Variants in PHACTR1 observed in about 807,000 individuals in gnomAD.
PHACTR1 encodes phosphatase and actin regulator 1.
PHACTR1 carries 16 observed loss-of-function variants against 69.2 expected under a neutral mutation model. That is an observed-to-expected ratio of 0.23 (90% CI 0.16 to 0.35). The LOEUF is 0.35. Among genes scored for constraint, PHACTR1 ranks in the 10% least tolerant of loss-of-function variants. The pLI, the probability that PHACTR1 is intolerant of heterozygous loss-of-function variation, is 1.00. For synonymous variants in PHACTR1, 312 were observed against 284.5 expected (o/e 1.10, Z -0.97); for missense variants, 510 against 734.7 (o/e 0.69, Z 3.54).
At chr6:12,849,312 C>T (rs1302809846) in intron 4 of PHACTR1, among the ~76,000 whole-genome samples, 1 of 152,178 alleles carries the variant, frequency 6.6e-6, no homozygotes, top group Non-Finnish European at 1.5e-5. Flanking sequence ...GGTCCCACGT[C>T]GGTGATTCGG....
chr6:12,926,618 T>C (rs1788292385), intron 4 of PHACTR1, among the ~76,000 whole-genome samples: 1 of 152,258 alleles, frequency 6.6e-6, no homozygotes, highest in Non-Finnish European at 1.5e-5. Context: ...CATAGAAAGC[T>C]GCCCATCAAG....
chr6:13,086,556 C>T (rs1404700834), intron 5 of PHACTR1, among the ~76,000 whole-genome samples: 2 of 152,206 alleles, frequency 1.3e-5, no homozygotes, highest in South Asian at 4.1e-4. Flanking sequence ...TGATTTTGTG[C>T]TTTCCAGAAT....
intron 8 of PHACTR1, among the ~76,000 whole-genome samples, chr6:13,208,618 G>A (rs1042027953): frequency 2.0e-5 from 3 of 149,688 alleles, no homozygotes; most frequent in Non-Finnish European, 3.0e-5. Flanking sequence ...AGCAGCCAAC[G>A]TCATTGCTGC....
intron 5 of PHACTR1, among the ~76,000 whole-genome samples, chr6:13,078,059 G>GTGTA (rs1332937895): frequency 2.6e-5 from 4 of 152,164 alleles, no homozygotes; most frequent in Non-Finnish European, 5.9e-5. Context: ...TCTACTGGGA[G>GTGTA]TGTAGGACGC....
intron 4 of PHACTR1, among the ~76,000 whole-genome samples, chr6:12,751,792 T>G (rs1308105626): frequency 6.6e-6 from 1 of 152,144 alleles, no homozygotes; most frequent in African/African-American, 2.4e-5. Flanking sequence ...ATTCCTAATG[T>G]AAAGTGTCAA....
rs749001422 is a variant in PHACTR1 at position 13,133,228 on chromosome 6, CCCCTCTCCCTCTCCCTTTCCCTCT to C, written c.416-26966_416-26943del. Among the ~76,000 whole-genome samples the C allele has an allele frequency of 8.3e-3, 229 of 27,452 alleles. 2 individuals are homozygous for C. The highest frequency in any genetic ancestry group is 0.014 in the Non-Finnish European group (195 of 14,424). 18.0% of individuals were successfully genotyped at this position (27,452 alleles called of 152,430 possible). ...CCCCCTCCCCCTCCCCCTCCCCCTC[CCCCTCTCCCTCTCCCTTTCCCTCT>C]CCCTCTCCCCACAGTCTCCCTCTCC... On this transcript the variant is annotated intron_variant, in intron 5 of 14. Coordinates refer to ENST00000332995, the MANE Select transcript of PHACTR1 (RefSeq NM_030948.6).
At chr6:12,727,479 A>C (rs932424802) in intron 3 of PHACTR1, among the ~76,000 whole-genome samples, 1 of 152,192 alleles carries the variant, frequency 6.6e-6, no homozygotes, top group Non-Finnish European at 1.5e-5. Flanking sequence ...TCCAGGACTC[A>C]TACATAAAGT....
chr6:13,048,522 TTGTGTG>T (rs70989824), intron 4 of PHACTR1, among the ~76,000 whole-genome samples: 14 of 142,984 alleles, frequency 9.8e-5, no homozygotes, highest in South Asian at 7.1e-4. Context: ...TTCCATTTCT[TTGTGTG>T]TGTGTGTGTG....
At chr6:12,799,791 T>C (rs954846283) in intron 4 of PHACTR1, among the ~76,000 whole-genome samples, 11 of 152,218 alleles carry the variant, frequency 7.2e-5, no homozygotes, top group African/African-American at 2.4e-4. Context: ...TGGATTCTTA[T>C]AGAATTTTTT....
At chr6:12,836,926 G>T (rs1033506948) in intron 4 of PHACTR1, among the ~76,000 whole-genome samples, 4 of 152,082 alleles carry the variant, frequency 2.6e-5, no homozygotes, top group Non-Finnish European at 5.9e-5. Context: ...TCTGATGATT[G>T]CATCCCTCTT....
chr6:13,021,532 A>G (rs370151393), intron 4 of PHACTR1, among the ~76,000 whole-genome samples: 1 of 152,196 alleles, frequency 6.6e-6, no homozygotes, highest in Admixed American at 6.5e-5. Context: ...TCTCTTATGT[A>G]TGTACCTGGG....
chr6:13,244,568 A>C (rs376210231), intron 10 of PHACTR1, among the ~76,000 whole-genome samples: 12 of 152,238 alleles, frequency 7.9e-5, no homozygotes, highest in African/African-American at 2.7e-4. Flanking sequence ...CTAGCTGCAC[A>C]TTCTCTTTCT....
chr6:12,988,639 GA>G (rs1408992346), intron 4 of PHACTR1, among the ~76,000 whole-genome samples: 2 of 151,884 alleles, frequency 1.3e-5, no homozygotes, highest in Non-Finnish European at 2.9e-5. Context: ...CCTCTTTTCA[GA>G]TAAGAAACCT....
At chr6:13,091,072 C>T (rs1359101026) in intron 5 of PHACTR1, among the ~76,000 whole-genome samples, 9 of 151,964 alleles carry the variant, frequency 5.9e-5, no homozygotes, top group East Asian at 5.8e-4. Context: ...AGTGCAATGG[C>T]GCATCTCGGC....
intron 4 of PHACTR1, among the ~76,000 whole-genome samples, chr6:12,827,854 G>A (rs1776973583): frequency 6.6e-6 from 1 of 151,468 alleles, no homozygotes; most frequent in Admixed American, 6.6e-5. Context: ...AACAAGAAGA[G>A]CTTTCTTTTC....
Position 13,217,593 on chromosome 6 carries a change from ATTAAT to A in PHACTR1, c.987-10218_987-10214del. Among the ~76,000 whole-genome samples the A allele has an allele frequency of 2.6e-5, 4 of 152,268 alleles. No individual in the cohort carries two copies. The East Asian group carries it at 7.7e-4, about 29-fold the overall frequency. The stretch of plus-strand genomic sequence containing the variant: ...CTGAAAGGACAGAGGCTGTGAACAA[ATTAAT>A]TTAAATCCATTACCACTGCTGAAAA... On this transcript the variant is annotated intron_variant, in intron 8 of 14. Transcript: ENST00000332995.
At chr6:12,937,441 T>C (rs976931249) in intron 4 of PHACTR1, among the ~76,000 whole-genome samples, 31 of 152,030 alleles carry the variant, frequency 2.0e-4, no homozygotes, top group African/African-American at 6.0e-4. Context: ...CTCCACCTCC[T>C]GGGTTCAAGC....
intron 4 of PHACTR1, among the ~76,000 whole-genome samples, chr6:12,982,277 C>G (rs1795612077): frequency 6.6e-6 from 1 of 152,238 alleles, no homozygotes; most frequent in African/African-American, 2.4e-5. Flanking sequence ...TGCCCAGGTT[C>G]TAGTCCCCAA....
chr6:13,069,419 G>A (rs905976521), intron 5 of PHACTR1, among the ~76,000 whole-genome samples: 1 of 151,990 alleles, frequency 6.6e-6, no homozygotes, highest in Non-Finnish European at 1.5e-5. Flanking sequence ...CATGCCACCA[G>A]GTCTAGTGCC....
Sources: gnomAD v4.1 joint callset for allele counts (sites outside exome capture counted in the v4.1 genomes callset) on GRCh38, gnomAD v4.1.1 for gene constraint, MANE v1.5 for transcripts, NCBI Gene and HGNC (gene_info 2026-07-23, HGNC 2026-07-21) for gene names.